AKAP6: variants seen among roughly 807,000 people sequenced by gnomAD.
AKAP6 encodes the protein A-kinase anchoring protein 6.
A neutral mutation model predicts 188.5 loss-of-function variants in AKAP6; 58 were observed. The observed-to-expected ratio is 0.31, with a 90% CI of 0.25 to 0.38. AKAP6 has a LOEUF of 0.38. Ranked by LOEUF, AKAP6 falls within the 10% of genes least tolerant of loss-of-function variation. AKAP6 has a pLI of 1.00. For missense variants in AKAP6, 2,710 were observed against 2,740.0 expected (o/e 0.99, Z 0.24); for synonymous variants, 989 against 998.6 (o/e 0.99, Z 0.18).
At chr14:32,342,811 A>G (rs1886932464) in intron 1 of AKAP6, among the ~76,000 whole-genome samples, 1 of 152,104 alleles carries the variant, frequency 6.6e-6, no homozygotes, top group Non-Finnish European at 1.5e-5. Context: ...CTGATCGGAG[A>G]ATTCTCCAAA....
intron 1 of AKAP6, among the ~76,000 whole-genome samples, chr14:32,428,242 G>C (rs1042428716): frequency 1.3e-5 from 2 of 152,086 alleles, no homozygotes; most frequent in African/African-American, 2.4e-5. Context: ...CTTTTCCATA[G>C]TGATCCTTGT....
At chr14:32,783,914 G>A (rs2033326325) in intron 12 of AKAP6, among the ~76,000 whole-genome samples, 1 of 152,040 alleles carries the variant, frequency 6.6e-6, no homozygotes, top group Non-Finnish European at 1.5e-5. Context: ...TACATATGCA[G>A]CCACCTTTAA....
chr14:32,773,805 T>C lies in AKAP6; in HGVS notation c.3500T>C (p.Ile1167Thr), dbSNP rs2032970663. 7 of 1,613,958 alleles carry C rather than the reference T, an allele frequency of 4.3e-6. No homozygotes were observed. Among genetic ancestry groups the C allele is most frequent in the African/African-American group, 1.3e-5 (1 of 74,908 alleles). Residue 1167 changes from isoleucine (I) to threonine (T), a missense_variant, in exon 12 of 14, where the codon ATT (isoleucine) becomes ACT (threonine). Ile to Thr is a moderately conservative substitution (Grantham distance 89). Coordinates refer to ENST00000280979, the MANE Select transcript of AKAP6 (RefSeq NM_004274.5). ...GACCACCAGCCCATGCAGCTGATCA[T>C]TGTAAATCTTGAAAGAAGGTGGGAA... ...NADHQPMQLI[I>T]VNLERRWEAI...
intron 12 of AKAP6, among the ~76,000 whole-genome samples, chr14:32,813,947 G>T (rs1443779506): frequency 6.6e-6 from 1 of 151,456 alleles, no homozygotes; most frequent in Admixed American, 6.6e-5. Flanking sequence ...GAGGGTAGAG[G>T]TATTAGAACA....
At chr14:32,638,255 T>G (rs1887600354) in intron 7 of AKAP6, among the ~76,000 whole-genome samples, 1 of 152,020 alleles carries the variant, frequency 6.6e-6, no homozygotes, top group Non-Finnish European at 1.5e-5. Context: ...TGAGTACTGA[T>G]GAAGACCGGC....
chr14:32,549,413 G>A (rs1438052331), intron 4 of AKAP6, among the ~76,000 whole-genome samples: 1 of 152,204 alleles, frequency 6.6e-6, no homozygotes, highest in African/African-American at 2.4e-5. Flanking sequence ...TTTCAGGTAG[G>A]AGGAGCATAA....
chr14:32,401,105 G>T (rs899987479), intron 1 of AKAP6, among the ~76,000 whole-genome samples: 3 of 152,258 alleles, frequency 2.0e-5, no homozygotes, highest in Middle Eastern at 3.4e-3. Context: ...ACTGTCACAG[G>T]CCTCTTACCT....
chr14:32,431,108 A>T (rs1890207134), intron 1 of AKAP6, among the ~76,000 whole-genome samples: 1 of 151,950 alleles, frequency 6.6e-6, no homozygotes, highest in African/African-American at 2.4e-5. Flanking sequence ...CCATCTCAAA[A>T]AAAAAAAAAT....
rs1367098849 is a variant in AKAP6 at position 32,621,134 on chromosome 14, A to G, written c.2730+20342A>G. Among the ~76,000 whole-genome samples, 3 of 151,480 alleles carry G rather than the reference A, an allele frequency of 2.0e-5. No individual in the cohort carries two copies. In the East Asian group the frequency reaches 5.8e-4, roughly 29 times the overall value. On this transcript the variant is annotated intron_variant, in intron 7 of 13. Coordinates refer to ENST00000280979, the MANE Select transcript of AKAP6 (RefSeq NM_004274.5). ...TTTCTTTTCAAAGAACTAACTTTTC[A>G]TTTCATTGGTGTTTTGTGTTTTTTC...
chr14:32,400,842 C>T (rs1889066202), intron 1 of AKAP6, among the ~76,000 whole-genome samples: 1 of 152,106 alleles, frequency 6.6e-6, no homozygotes, highest in South Asian at 2.1e-4. Context: ...GGAGTGGATC[C>T]TAATAGTTTG....
At chr14:32,517,113 G>C (rs1014986704) in intron 2 of AKAP6, among the ~76,000 whole-genome samples, 1 of 152,094 alleles carries the variant, frequency 6.6e-6, no homozygotes, top group African/African-American at 2.4e-5. Flanking sequence ...ACGACCAGTT[G>C]GTTACCTTCT....
At chr14:32,483,112 C>T (rs1321108057) in intron 2 of AKAP6, among the ~76,000 whole-genome samples, 1 of 151,956 alleles carries the variant, frequency 6.6e-6, no homozygotes, top group African/African-American at 2.4e-5. Context: ...ATGTGTCTTT[C>T]AGCACATCCT....
chr14:32,717,546 T>G (rs1439385607), intron 9 of AKAP6, among the ~76,000 whole-genome samples: 1 of 151,944 alleles, frequency 6.6e-6, no homozygotes, highest in Non-Finnish European at 1.5e-5. Context: ...TGCATCTCCA[T>G]CATTACATTC....
intron 7 of AKAP6, among the ~76,000 whole-genome samples, chr14:32,642,729 C>A (rs1887813481): frequency 6.6e-6 from 1 of 152,058 alleles, no homozygotes; most frequent in South Asian, 2.1e-4. Flanking sequence ...TTAAATGATC[C>A]CTCAAGAAAC....
intron 12 of AKAP6, among the ~76,000 whole-genome samples, chr14:32,788,882 A>G (rs1380035507): frequency 6.6e-6 from 1 of 152,138 alleles, no homozygotes; most frequent in Non-Finnish European, 1.5e-5. Context: ...TGCGGGCCCC[A>G]CTTCCACGGC....
At chr14:32,722,958 C>G (rs753761258) in intron 9 of AKAP6, among the ~76,000 whole-genome samples, 20 of 152,144 alleles carry the variant, frequency 1.3e-4, no homozygotes, top group Non-Finnish European at 2.6e-4. Context: ...AACATGTGCC[C>G]TCTGAGGCTC....
At chr14:32,423,198 C>A (rs534090616) in intron 1 of AKAP6, among the ~76,000 whole-genome samples, 1 of 152,206 alleles carries the variant, frequency 6.6e-6, no homozygotes, top group Non-Finnish European at 1.5e-5. Context: ...GAGATAGGGT[C>A]TCACTTTGTC....
chr14:32,829,010 C>T (rs1258516938), intron 13 of AKAP6, among the ~76,000 whole-genome samples: 1 of 152,162 alleles, frequency 6.6e-6, no homozygotes, highest in East Asian at 1.9e-4. Flanking sequence ...GAAATCAGAA[C>T]TCAGTTTAAG....
Position 32,546,535 on chromosome 14 carries a change from G to C in AKAP6, c.1882G>C (p.Asp628His), listed in dbSNP as rs1355960796. The stretch of plus-strand genomic sequence containing the variant: ...GGTTGTGGAGGCCTGGTATGGCTCT[G>C]ATGAATACCTAGCACTGCCCTCTCA... ...GEVVEAWYGS[D>H]EYLALPSHLK... The change falls in exon 4 of 14, where the codon GAT becomes CAT. Residue 628 changes from aspartate to histidine, a missense_variant. By Grantham distance (81) the Asp-to-His change is moderately conservative. Coordinates refer to ENST00000280979, the MANE Select transcript of AKAP6 (RefSeq NM_004274.5). 1.2e-6 allele frequency: 2 copies of C among 1,614,026 alleles called. No individual in the cohort carries two copies. Among genetic ancestry groups the C allele is most frequent in the East Asian group, 2.2e-5 (1 of 44,894 alleles).
Sources: gnomAD v4.1 joint callset for allele counts (sites outside exome capture counted in the v4.1 genomes callset) on GRCh38, gnomAD v4.1.1 for gene constraint, MANE v1.5 for transcripts, NCBI Gene and HGNC (gene_info 2026-07-23, HGNC 2026-07-21) for gene names.